TNR: variants seen among roughly 807,000 people sequenced by gnomAD.
TNR encodes tenascin R.
TNR carries 45 observed loss-of-function variants against 150.4 expected under a neutral mutation model. The observed-to-expected ratio is 0.30, with a 90% CI of 0.24 to 0.38. The LOEUF (loss-of-function observed/expected upper bound fraction) is 0.38, where lower values mean the gene tolerates loss of function less well. TNR is among the 10% of genes least tolerant of loss of function. TNR has a pLI of 1.00. For missense variants in TNR, 1,544 were observed against 1,759.1 expected, an observed-to-expected ratio of 0.88 and a Z score of 2.19; for synonymous variants, 687 against 678.4, an observed-to-expected ratio of 1.01 and a Z score of -0.20.
At chr1:175,637,436 T>C (rs1391832403) in intron 1 of TNR, among the ~76,000 whole-genome samples, 2 of 152,204 alleles carry the variant, frequency 1.3e-5, no homozygotes, top group African/African-American at 4.8e-5. Flanking sequence ...AACTCACAAA[T>C]GCACAGACTA....
At chr1:175,634,216 T>A (rs759748662) in intron 1 of TNR, among the ~76,000 whole-genome samples, 39 of 152,314 alleles carry the variant, frequency 2.6e-4, no homozygotes, top group South Asian at 6.2e-4. Context: ...TGCCCCCATG[T>A]TTCAGTTCCC....
intron 1 of TNR, among the ~76,000 whole-genome samples, chr1:175,577,217 A>G (rs879439958): frequency 6.6e-6 from 1 of 152,112 alleles, no homozygotes; most frequent in Non-Finnish European, 1.5e-5. Flanking sequence ...GGGCCCAGGG[A>G]AGAATTTGGG....
chr1:175,460,371 A>G (rs1252371756), intron 2 of TNR, among the ~76,000 whole-genome samples: 1 of 152,102 alleles, frequency 6.6e-6, no homozygotes, highest in Non-Finnish European at 1.5e-5. Flanking sequence ...ACATGCACGC[A>G]AGGCCACAGG....
At chr1:175,642,625 T>G (rs750579173) in intron 1 of TNR, among the ~76,000 whole-genome samples, 2 of 152,126 alleles carry the variant, frequency 1.3e-5, no homozygotes, top group Non-Finnish European at 2.9e-5. Flanking sequence ...GCTGTTGTAA[T>G]GTCTGTCAGA....
chr1:175,669,431 A>G (rs1282910930), intron 1 of TNR, among the ~76,000 whole-genome samples: 1 of 152,156 alleles, frequency 6.6e-6, no homozygotes, highest in Non-Finnish European at 1.5e-5. Flanking sequence ...CAAATAGGGC[A>G]CCCATGCAGT....
chr1:175,649,718 T>A (rs1451372100), intron 1 of TNR, among the ~76,000 whole-genome samples: 2 of 152,110 alleles, frequency 1.3e-5, no homozygotes, highest in Non-Finnish European at 2.9e-5. Flanking sequence ...CTAACTGCCA[T>A]CCCATGGCCT....
chr1:175,474,291 T>C (rs1375992154), intron 2 of TNR, among the ~76,000 whole-genome samples: 1 of 152,140 alleles, frequency 6.6e-6, no homozygotes, highest in Non-Finnish European at 1.5e-5. Flanking sequence ...TAAGTTCAAA[T>C]GAGGCCATTA....
chr1:175,354,609 T>C (rs1651231313), intron 17 of TNR, 86 bp from the exon 18 acceptor site: 25 of 1,574,466 alleles, frequency 1.6e-5, no homozygotes, highest in East Asian at 1.3e-4. Flanking sequence ...CCAAATCCCA[T>C]GGGCAGCTAG....
At chr1:175,579,165 T>TTTCCTTCCTTCCTTCCTTCC (rs60083467) in intron 1 of TNR, among the ~76,000 whole-genome samples, 8,553 of 134,328 alleles carry the variant, frequency 0.064, 347 homozygotes, top group African/African-American at 0.071. Flanking sequence ...TCGTTCCTTC[T>TTTCCTTCCTTCCTTCCTTCC]TTCCTTCCTT....
At chr1:175,600,378 G>A (rs1240173259) in intron 1 of TNR, among the ~76,000 whole-genome samples, 2 of 152,198 alleles carry the variant, frequency 1.3e-5, no homozygotes, top group African/African-American at 2.4e-5. Context: ...ATCTTCCATT[G>A]CAGTATGTGG....
At chr1:175,612,016 T>G (rs1663615615) in intron 1 of TNR, among the ~76,000 whole-genome samples, 1 of 152,192 alleles carries the variant, frequency 6.6e-6, no homozygotes, top group South Asian at 2.1e-4. Flanking sequence ...GACATGTGGC[T>G]TAGAGTTCAC....
chr1:175,443,381 G>A (rs1655882240), intron 2 of TNR, among the ~76,000 whole-genome samples: 1 of 152,126 alleles, frequency 6.6e-6, no homozygotes, highest in Non-Finnish European at 1.5e-5. Flanking sequence ...GTGAATCCTG[G>A]CCTAGGATGC....
intron 2 of TNR, among the ~76,000 whole-genome samples, chr1:175,494,388 C>T (rs566274941): frequency 3.3e-5 from 5 of 152,360 alleles, no homozygotes; most frequent in East Asian, 1.9e-4. Flanking sequence ...CCGACAGTGA[C>T]GATGCAACTC....
At chr1:175,363,963 C>T (rs1651717389) in intron 12 of TNR, 136 bp from the exon 13 acceptor site, 2 of 1,087,744 alleles carry the variant, frequency 1.8e-6, no homozygotes, top group South Asian at 3.7e-5. Context: ...AATAGGGTAT[C>T]TTAAAACCAT....
chr1:175,613,431 G>T (rs1409605442), intron 1 of TNR, among the ~76,000 whole-genome samples: 2 of 152,076 alleles, frequency 1.3e-5, no homozygotes, highest in African/African-American at 4.8e-5. Context: ...CTACAAGTTA[G>T]CACCCATATC....
At chr1:175,414,309 G>A (rs938198904) in intron 2 of TNR, among the ~76,000 whole-genome samples, 5 of 151,714 alleles carry the variant, frequency 3.3e-5, no homozygotes, top group African/African-American at 1.2e-4. Context: ...AGGTGGAGGA[G>A]AAAAAAAATG....
intron 1 of TNR, among the ~76,000 whole-genome samples, chr1:175,642,876 A>G (rs1664707679): frequency 6.6e-6 from 1 of 152,216 alleles, no homozygotes; most frequent in Admixed American, 6.5e-5. Context: ...GGCTGCAGTG[A>G]GCTATGATTG....
At chr1:175,552,499 G>T (rs922724479) in intron 1 of TNR, among the ~76,000 whole-genome samples, 2 of 152,184 alleles carry the variant, frequency 1.3e-5, no homozygotes, top group African/African-American at 2.4e-5. Context: ...AGTACTCAGG[G>T]TGAGGAATTT....
At chr1:175,491,383 T>C (rs78929584) in intron 2 of TNR, among the ~76,000 whole-genome samples, 2,768 of 152,290 alleles carry the variant, frequency 0.018, 39 homozygotes, top group South Asian at 0.039. Context: ...AAAATAAATG[T>C]TAAAGAAAAA....
Sources: gnomAD v4.1 joint callset for allele counts (sites outside exome capture counted in the v4.1 genomes callset) on GRCh38, gnomAD v4.1.1 for gene constraint, MANE v1.5 for transcripts, NCBI Gene and HGNC (gene_info 2026-07-23, HGNC 2026-07-21) for gene names.